Variants in KMT2A observed in about 807,000 individuals in gnomAD.
KMT2A encodes lysine methyltransferase 2A.
KMT2A carries 16 observed loss-of-function variants against 345.3 expected under a neutral mutation model. The ratio of observed to expected loss-of-function variants is 0.05; its 90% CI spans 0.03 to 0.07. The LOEUF is 0.07. Ranked by LOEUF, KMT2A falls within the 10% of genes least tolerant of loss-of-function variation. KMT2A has a pLI of 1.00. For synonymous variants in KMT2A, 1,599 were observed against 1,778.6 expected, an observed-to-expected ratio of 0.90 and a Z score of 2.54; for missense variants, 3,272 against 4,841.6, an observed-to-expected ratio of 0.68 and a Z score of 9.62.
Position 118,436,838 on chromosome 11 carries a change from G to T in KMT2A, c.326G>T (p.Gly109Val). ...TCAGGGCCGGCCCTGCTCCGGGTGG[G>T]CCCGGGCTTCGACGCGGCGCTGCAG... ...ASSGPALLRV[G>V]PGFDAALQVS... is the part of the protein sequence containing the mutation. Residue 109 changes from glycine (G) to valine (V), a missense_variant, in exon 1 of 36, where the codon GGC (glycine) becomes GTC (valine). Coordinates refer to ENST00000534358, the MANE Select transcript of KMT2A (RefSeq NM_001197104.2). The surrounding 1 kb of genome is among the most constrained non-coding windows in gnomAD (Gnocchi z 6.9). 2 of 1,605,784 alleles carry T rather than the reference G, an allele frequency of 1.2e-6. No individual in the cohort carries two copies. The highest frequency in any genetic ancestry group is 1.7e-6 in the Non-Finnish European group (2 of 1,176,588).
At chr11:118,450,262 A>G (rs1555028462) in intron 1 of KMT2A, 1 of 152,156 alleles carries the variant, frequency 6.6e-6, no homozygotes, top group East Asian at 1.9e-4. Context: ...ATTGCCAGGA[A>G]TCAGAATAGT....
Position 118,507,513 on chromosome 11 carries a change from A to C in KMT2A, c.10755-16A>C, listed in dbSNP as rs1555048859. 3.7e-6 allele frequency: 6 copies of C among 1,611,010 alleles called. No individual in the cohort carries two copies. The highest frequency in any genetic ancestry group is 5.1e-6 in the Non-Finnish European group (6 of 1,177,252). The stretch of plus-strand genomic sequence containing the variant: ...TGGTGGTTTGTCTTGAAAAGATACA[A>C]ATGCCTGTGTTCCAGGACTCCAGGA... On this transcript the variant is annotated splice_polypyrimidine_tract_variant and intron_variant, in intron 27 of 35. Transcript: ENST00000534358.
Position 118,499,885 on chromosome 11 carries a change from GA to G in KMT2A, c.6132del (p.Asp2045IlefsTer30). ...AATTCTAAATGATCTCTCCGACTGT[GA>G]AGATAAGCTCTTTCCTATTGGATAT... ...LGILNDLSDC[E>X]DKLFPIGYQC... is the part of the protein sequence containing the mutation. On this transcript the variant is annotated frameshift_variant, in exon 24 of 36. Transcript: ENST00000534358. LOFTEE classifies it high-confidence loss of function. The G allele has an allele frequency of 6.2e-7, 1 of 1,612,642 alleles. No individual in the cohort carries two copies. Among genetic ancestry groups the G allele is most frequent in the African/African-American group, 1.3e-5 (1 of 74,998 alleles).
chr11:118,526,785 T>A lies in KMT2A; in HGVS notation c.*4613T>A, dbSNP rs1480957574. ...TGTTTATTTTCTATGCACTTTTTTTTATTTAAGTGATAGTTTAATTAATAA... is the reference window on the plus strand; with the variant it reads ...TGTTTATTTTCTATGCACTTTTTTTAATTTAAGTGATAGTTTAATTAATAA... On this transcript the variant is annotated 3_prime_UTR_variant, in exon 36 of 36. Coordinates refer to ENST00000534358, the MANE Select transcript of KMT2A (RefSeq NM_001197104.2). 2 of 225,218 alleles carry A rather than the reference T, an allele frequency of 8.9e-6. No individual in the cohort carries two copies. Among genetic ancestry groups the A allele is most frequent in the South Asian group, 1.8e-4 (1 of 5,484 alleles). 14.0% of individuals were successfully genotyped at this position (225,218 alleles called of 1,614,324 possible).
rs1949945931 is a variant in KMT2A, at chr11:118,471,752, C to T, written c.593C>T (p.Pro198Leu). The T allele has an allele frequency of 6.2e-7, 1 of 1,613,538 alleles. No individual in the cohort carries two copies. Among genetic ancestry groups the T allele is most frequent in the Non-Finnish European group, 8.5e-7 (1 of 1,179,812 alleles). ...CTCTCAGATCCATCTGTGTTTTCCC[C>T]TCTAAATAAATCAGAGACCAAATCT... is the stretch of plus-strand genomic sequence containing the variant. ...AILSDPSVFS[P>L]LNKSETKSGD... Residue 198 changes from proline (P) to leucine (L), a missense_variant, in exon 3 of 36, where the codon CCT (proline) becomes CTT (leucine). Pro to Leu is a moderately conservative substitution (Grantham distance 98). Transcript: ENST00000534358.
chr11:118,472,219 A>T lies in KMT2A; in HGVS notation c.1060A>T (p.Arg354Trp). 1 of 1,613,992 alleles carries T rather than the reference A, an allele frequency of 6.2e-7. No homozygotes were observed. The highest frequency in any genetic ancestry group is 8.5e-7 in the Non-Finnish European group (1 of 1,180,010). Residue 354 changes from arginine (R) to tryptophan (W), a missense_variant, in exon 3 of 36, where the codon AGG becomes TGG. Arg to Trp is a moderately radical substitution (Grantham distance 101). Around this residue, in one of 27 missense-constraint regions of KMT2A, gnomAD observed 412 missense variants for 511.0 expected, o/e 0.81. Coordinates refer to ENST00000534358, the MANE Select transcript of KMT2A (RefSeq NM_001197104.2). ...GACAGTTGTCAGACAAAGCCCTCGA[A>T]GGATTAAGCCAGTTAGGATTATTCC... The part of the protein sequence containing the change: ...DKTVVRQSPR[R>W]IKPVRIIPSS...
Position 118,519,357 on chromosome 11 carries a change from CTGTG to C in KMT2A, c.11147-259_11147-256del. The stretch of plus-strand genomic sequence containing the variant: ...TATATAGCATTAGCATATAGCATTT[CTGTG>C]TAATAAAGCAAAATAGTCCATAGTT... On this transcript the variant is annotated intron_variant, in intron 31 of 35. Transcript: ENST00000534358. The C allele has an allele frequency of 1.3e-5, 5 of 394,184 alleles. No individual in the cohort carries two copies. The South Asian group carries it at 2.1e-4, about 17-fold the overall frequency. 24.4% of individuals were successfully genotyped at this position (394,184 alleles called of 1,614,324 possible).
intron 28 of KMT2A, among the ~76,000 whole-genome samples, chr11:118,508,347 G>A (rs1247368597): frequency 1.3e-5 from 2 of 151,930 alleles, no homozygotes; most frequent in African/African-American, 2.4e-5. Flanking sequence ...TTTTTAAATC[G>A]CTGCCGCCAA....
At chr11:118,492,396 G>A (rs755071219) in intron 15 of KMT2A, among the ~76,000 whole-genome samples, 4 of 152,178 alleles carry the variant, frequency 2.6e-5, no homozygotes, top group South Asian at 2.1e-4. Context: ...AGAACCACAC[G>A]GGGCCGGGCG....
intron 1 of KMT2A, among the ~76,000 whole-genome samples, chr11:118,458,476 A>T (rs1437477599): frequency 6.6e-6 from 1 of 152,236 alleles, no homozygotes; most frequent in African/African-American, 2.4e-5. Context: ...CACAGTAGGT[A>T]TTTAATGTTC....
At chr11:118,467,168 G>A (rs1421925739) in intron 1 of KMT2A, among the ~76,000 whole-genome samples, 1 of 152,092 alleles carries the variant, frequency 6.6e-6, no homozygotes, top group Non-Finnish European at 1.5e-5. Flanking sequence ...CTTGAGGTCA[G>A]GAGTTTGAGA....
In KMT2A at chr11:118,502,887, C is replaced by CTAAACTGGCCCCACAGGTTCA; in HGVS notation, c.6999_7019dup (p.Lys2333_His2339dup). The stretch of plus-strand genomic sequence containing the variant: ...CATAATGTGGCTTACCCTGGAATTC[C>CTAAACTGGCCCCACAGGTTCA]TAAACTGGCCCCACAGGTTCATAAC... On this transcript the variant is annotated inframe_insertion, in exon 27 of 36. Coordinates refer to ENST00000534358, the MANE Select transcript of KMT2A (RefSeq NM_001197104.2). This position sits in a 1 kb window ranked among gnomAD's most constrained non-coding sequence, Gnocchi z 4.9. 6.2e-7 allele frequency: 1 copy of CTAAACTGGCCCCACAGGTTCA among 1,614,150 alleles called. No individual in the cohort carries two copies. The highest frequency in any genetic ancestry group is 1.3e-5 in the African/African-American group (1 of 75,036).
intron 8 of KMT2A, among the ~76,000 whole-genome samples, chr11:118,483,184 G>A (rs1591386741): frequency 6.7e-6 from 1 of 149,030 alleles, no homozygotes; most frequent in East Asian, 2.0e-4. Flanking sequence ...AGTGAGCCGA[G>A]ATTGCATCAT....
intron 1 of KMT2A, among the ~76,000 whole-genome samples, chr11:118,467,542 C>T (rs933087647): frequency 6.6e-6 from 1 of 152,102 alleles, no homozygotes; most frequent in Non-Finnish European, 1.5e-5. Flanking sequence ...AAAGGCTGGG[C>T]CTTAAATGTT....
intron 1 of KMT2A, among the ~76,000 whole-genome samples, chr11:118,446,576 T>C (rs1949426393): frequency 6.6e-6 from 1 of 152,204 alleles, no homozygotes. Flanking sequence ...CTCTTCCCAC[T>C]CACATCCAAT....
At chr11:118,486,750 GTAGTCCCAGCTACTC>G (rs1422108886) in intron 10 of KMT2A, among the ~76,000 whole-genome samples, 1 of 151,936 alleles carries the variant, frequency 6.6e-6, no homozygotes. Flanking sequence ...GCATGTGCCT[GTAGTCCCAGCTACTC>G]TAGTCCCAGC....
intron 7 of KMT2A, 50 bp from the exon 8 acceptor site, chr11:118,482,372 T>G (rs1555039597): frequency 7.8e-7 from 1 of 1,285,022 alleles, no homozygotes. Context: ...CAGTCAGTAC[T>G]AAAGTAGTCG....
chr11:118,468,139 T>C (rs945311410), intron 1 of KMT2A, among the ~76,000 whole-genome samples: 3 of 152,184 alleles, frequency 2.0e-5, no homozygotes, highest in Non-Finnish European at 4.4e-5. Context: ...ATGCAGTCAA[T>C]TCATGATCCC....
At chr11:118,514,789 A>G (rs146099945) in intron 31 of KMT2A, among the ~76,000 whole-genome samples, 2,207 of 152,134 alleles carry the variant, frequency 0.015, 62 homozygotes, top group African/African-American at 0.051. Flanking sequence ...ATGTGCCACC[A>G]TGCCTGGCTA....
Sources: gnomAD v4.1 joint callset for allele counts (sites outside exome capture counted in the v4.1 genomes callset) on GRCh38, gnomAD v4.1.1 for gene constraint, gnomAD v4.1.1 regional missense constraint, Gnocchi (gnomAD v3.1) non-coding constraint, MANE v1.5 for transcripts, NCBI Gene and HGNC (gene_info 2026-07-23, HGNC 2026-07-21) for gene names.